INSC: variants seen among roughly 807,000 people sequenced by gnomAD.
INSC encodes INSC spindle orientation adaptor protein, also known as protein inscuteable homolog.
Under a neutral mutation model 58.6 loss-of-function variants are expected in INSC, and 67 were observed. The ratio of observed to expected loss-of-function variants is 1.14; its 90% confidence interval spans 0.94 to 1.40. INSC has a LOEUF of 1.40. INSC is among the 40% of genes most tolerant of loss of function. The probability of loss-of-function intolerance (pLI) is 0.00; values close to 1 mark genes in which losing one functional copy is unlikely to be tolerated. For missense variants in INSC, 714 were observed against 692.0 expected, an observed-to-expected ratio of 1.03 and a Z score of -0.36; for synonymous variants, 262 against 276.1, an observed-to-expected ratio of 0.95 and a Z score of 0.51.
chr11:15,202,686 G>A (rs1589964165), intron 7 of INSC, among the ~76,000 whole-genome samples: 1 of 152,338 alleles, frequency 6.6e-6, no homozygotes, highest in East Asian at 1.9e-4. Flanking sequence ...GAAGATAGAA[G>A]GAGCTTGGGA....
Position 15,190,781 on chromosome 11 carries a change from GGA to G in INSC, c.662_663del (p.Glu221GlyfsTer75), listed in dbSNP as rs1438580805. ...CAGGGAACCTGTTCAGCCTGACCCA[GGA>G]GGGGGCTCCCTTGTGCCGCATCATA... ...TTGNLFSLTQ[E>X]GAPLCRIIAK... On this transcript the variant is annotated frameshift_variant, in exon 6 of 13. Coordinates refer to ENST00000379556, the MANE Select transcript of INSC (RefSeq NM_001042536.3). LOFTEE classifies it high-confidence loss of function. The G allele has an allele frequency of 3.7e-6, 6 of 1,613,892 alleles. No homozygotes were observed. In the African/African-American group the frequency reaches 8.0e-5, roughly 22 times the overall value.
At chr11:15,154,825 C>A (rs1160956398) in intron 2 of INSC, among the ~76,000 whole-genome samples, 2 of 151,810 alleles carry the variant, frequency 1.3e-5, no homozygotes, top group African/African-American at 4.8e-5. Context: ...ACAAAAATAA[C>A]CCATGTTAGT....
Position 15,221,663 on chromosome 11 carries a change from G to C in INSC, c.991+15G>C. 6.2e-7 allele frequency: 1 copy of C among 1,601,162 alleles called. No individual in the cohort carries two copies. The highest frequency in any genetic ancestry group is 2.3e-5 in the East Asian group (1 of 44,426). ...AGCCCTCGTCAGTGAGTCACCCTGG[G>C]CAGCGGGACCACTAGGAGAGAGGGC... On this transcript the variant is annotated intron_variant, in intron 8 of 12. Coordinates refer to ENST00000379556, the MANE Select transcript of INSC (RefSeq NM_001042536.3).
At chr11:15,229,329 CA>C (rs749080652) in intron 9 of INSC, among the ~76,000 whole-genome samples, 1 of 152,160 alleles carries the variant, frequency 6.6e-6, no homozygotes, top group Non-Finnish European at 1.5e-5. Flanking sequence ...TACCATTTAT[CA>C]GGGAATGCCA....
chr11:15,132,909 T>G (rs2133708069), intron 1 of INSC, among the ~76,000 whole-genome samples: 1 of 152,356 alleles, frequency 6.6e-6, no homozygotes, highest in East Asian at 1.9e-4. Context: ...CTTTTTCCTT[T>G]GATTGCTTTC....
intron 7 of INSC, among the ~76,000 whole-genome samples, chr11:15,212,276 T>C (rs1851057393): frequency 6.6e-6 from 1 of 152,132 alleles, no homozygotes; most frequent in Non-Finnish European, 1.5e-5. Flanking sequence ...TAATTTTGTA[T>C]TTTTAGTAGA....
intron 1 of INSC, among the ~76,000 whole-genome samples, chr11:15,122,131 T>C (rs1847888739): frequency 6.6e-6 from 1 of 152,212 alleles, no homozygotes; most frequent in African/African-American, 2.4e-5. Context: ...AGGACATATA[T>C]GTATATTTAT....
intron 1 of INSC, among the ~76,000 whole-genome samples, chr11:15,130,947 T>A (rs1590339870): frequency 6.6e-6 from 1 of 152,170 alleles, no homozygotes; most frequent in African/African-American, 2.4e-5. Flanking sequence ...CAGTTTATTT[T>A]ATGTTTTCAA....
intron 7 of INSC, among the ~76,000 whole-genome samples, chr11:15,202,900 G>A (rs182593842): frequency 5.6e-4 from 85 of 152,306 alleles, no homozygotes; most frequent in African/African-American, 2.0e-3. Flanking sequence ...TGTGTCTTTC[G>A]CAGTATAGAC....
At chr11:15,171,674 A>G (rs1796434314) in intron 2 of INSC, among the ~76,000 whole-genome samples, 1 of 152,200 alleles carries the variant, frequency 6.6e-6, no homozygotes, top group African/African-American at 2.4e-5. Flanking sequence ...CACCAACTCA[A>G]CTATGTTTAG....
intron 6 of INSC, among the ~76,000 whole-genome samples, chr11:15,196,800 C>T (rs1850388246): frequency 6.6e-6 from 1 of 152,178 alleles, no homozygotes; most frequent in South Asian, 2.1e-4. Flanking sequence ...CTGTGGTAGG[C>T]AGGATCTACC....
At chr11:15,266,281 G>A in the INSC span, among the ~76,000 whole-genome samples, 4 of 151,522 alleles carry the variant, frequency 2.6e-5, no homozygotes, top group Non-Finnish European at 5.9e-5. Flanking sequence ...CACTTTGCAC[G>A]TTATTCAGGA....
chr11:15,183,849 T>C (rs1849870282), intron 5 of INSC, among the ~76,000 whole-genome samples: 1 of 152,242 alleles, frequency 6.6e-6, no homozygotes, highest in South Asian at 2.1e-4. Context: ...ATGTGGTGCA[T>C]ATTATTTAAG....
chr11:15,248,077 A>G (rs1420809750), downstream of INSC, among the ~76,000 whole-genome samples: 2 of 152,196 alleles, frequency 1.3e-5, no homozygotes, highest in South Asian at 2.1e-4. Flanking sequence ...AATTGAAACA[A>G]TCACATAAGT....
At chr11:15,248,914 A>G (rs1372176504), downstream of INSC, among the ~76,000 whole-genome samples, 2 of 152,208 alleles carry the variant, frequency 1.3e-5, no homozygotes, top group Non-Finnish European at 2.9e-5. Flanking sequence ...ACTAACCACC[A>G]AGGTAAGCCC....
intron 2 of INSC, among the ~76,000 whole-genome samples, chr11:15,174,249 G>A (rs1382014579): frequency 6.6e-6 from 1 of 152,138 alleles, no homozygotes; most frequent in East Asian, 1.9e-4. Flanking sequence ...TTCGTCGTGT[G>A]CTTCAAGTCT....
chr11:15,246,803 G>T lies in INSC; in HGVS notation c.*763G>T, dbSNP rs1852581134. 6.6e-6 allele frequency: 1 copy of T among 152,156 alleles called. No individual in the cohort carries two copies. The highest frequency in any genetic ancestry group is 2.4e-5 in the African/African-American group (1 of 41,438). The allele number at this position is 152,156 out of a possible 1,614,324, so 9.4% of individuals were successfully genotyped here. ...ATAGAATCCTCAGATGAGGCTTATTGAATGATTGATTCCTCCTCAAAAGTA... is the reference window on the plus strand; with the variant it reads ...ATAGAATCCTCAGATGAGGCTTATTTAATGATTGATTCCTCCTCAAAAGTA... On this transcript the variant is annotated 3_prime_UTR_variant, in exon 13 of 13. Transcript: ENST00000379556.
chr11:15,183,712 G>A (rs528856126), intron 5 of INSC, among the ~76,000 whole-genome samples: 43 of 152,238 alleles, frequency 2.8e-4, no homozygotes, highest in Admixed American at 1.6e-3. Context: ...TCTTTGAAGA[G>A]CCAAAGACTC....
chr11:15,240,066 TAA>T (rs1460746179), intron 11 of INSC, among the ~76,000 whole-genome samples: 1 of 152,186 alleles, frequency 6.6e-6, no homozygotes, highest in Non-Finnish European at 1.5e-5. Flanking sequence ...ATTGCAAAGC[TAA>T]GTCATTCACT....
Sources: allele counts gnomAD v4.1 joint callset (sites outside exome capture counted in the v4.1 genomes callset), GRCh38; gene constraint gnomAD v4.1.1; transcripts MANE v1.5; gene names NCBI Gene and HGNC (gene_info 2026-07-23, HGNC 2026-07-21).